Variants in DPF3 observed in about 807,000 individuals in gnomAD.
The protein encoded by DPF3 is double PHD fingers 3, also known as zinc finger protein DPF3.
DPF3 carries 18 observed loss-of-function variants against 56.8 expected under a neutral mutation model. The observed-to-expected ratio is 0.32, with a 90% CI of 0.22 to 0.47. DPF3 has a LOEUF of 0.47. Ranked by LOEUF, DPF3 falls within the 20% of genes least tolerant of loss-of-function variation. The pLI is 1.00. For synonymous variants in DPF3, 188 were observed against 180.2 expected (o/e 1.04, Z -0.35); for missense variants, 403 against 488.8 (o/e 0.82, Z 1.65).
intron 8 of DPF3, among the ~76,000 whole-genome samples, chr14:72,649,915 C>A (rs1885854022): frequency 6.6e-6 from 1 of 152,222 alleles, no homozygotes; most frequent in Admixed American, 6.5e-5. Context: ...ATGCAAGTAA[C>A]CACTACACCG....
chr14:72,729,067 G>A (rs1034182415), intron 4 of DPF3, among the ~76,000 whole-genome samples: 2 of 151,964 alleles, frequency 1.3e-5, no homozygotes, highest in African/African-American at 2.4e-5. Flanking sequence ...GGCAAACATG[G>A]TGAATCCGCG....
intron 8 of DPF3, among the ~76,000 whole-genome samples, chr14:72,659,468 A>G (rs1886144944): frequency 6.6e-6 from 1 of 152,174 alleles, no homozygotes; most frequent in Admixed American, 6.5e-5. Flanking sequence ...GCCCACTATT[A>G]TGGACATTTG....
chr14:72,731,964 G>A (rs1423804485), intron 3 of DPF3, 30 bp from the exon 4 acceptor site: 1 of 1,559,828 alleles, frequency 6.4e-7, no homozygotes, highest in Non-Finnish European at 8.7e-7. Context: ...AGGCAGGTCA[G>A]GCCACTAGAA....
intron 1 of DPF3, among the ~76,000 whole-genome samples, chr14:72,776,939 C>A (rs1891766950): frequency 6.6e-6 from 1 of 152,192 alleles, no homozygotes; most frequent in Non-Finnish European, 1.5e-5. Context: ...CTCCCCTTGC[C>A]TTCAAACCAT....
chr14:72,820,484 T>C (rs76635763), intron 1 of DPF3, among the ~76,000 whole-genome samples: 15 of 152,178 alleles, frequency 9.9e-5, no homozygotes, highest in East Asian at 1.9e-4. Context: ...ACTTTAATGA[T>C]AATACTAGTA....
intron 6 of DPF3, among the ~76,000 whole-genome samples, chr14:72,698,340 T>TTG (rs1443159556): frequency 6.6e-6 from 1 of 152,202 alleles, no homozygotes; most frequent in Non-Finnish European, 1.5e-5. Flanking sequence ...AAAATAGGCT[T>TTG]TGTGTTAGAT....
At chr14:72,803,626 T>C (rs1335958464) in intron 1 of DPF3, among the ~76,000 whole-genome samples, 3 of 152,212 alleles carry the variant, frequency 2.0e-5, no homozygotes, top group Non-Finnish European at 4.4e-5. Context: ...GGTGGGCAAC[T>C]GGAGTGGAAG....
intron 8 of DPF3, among the ~76,000 whole-genome samples, chr14:72,641,124 G>A (rs1456467064): frequency 6.6e-6 from 1 of 152,190 alleles, no homozygotes; most frequent in Non-Finnish European, 1.5e-5. Context: ...GAAACAAAGA[G>A]AACGTGTTGC....
intron 1 of DPF3, among the ~76,000 whole-genome samples, chr14:72,775,676 C>T (rs1010917479): frequency 5.9e-5 from 9 of 152,136 alleles, no homozygotes; most frequent in South Asian, 2.1e-4. Context: ...TATTAAAGAT[C>T]GAAGCTGCAA....
At chr14:72,806,833 C>T (rs1882806120) in intron 1 of DPF3, 1 of 152,150 alleles carries the variant, frequency 6.6e-6, no homozygotes, top group Non-Finnish European at 1.5e-5. Context: ...GGAGGGCTTC[C>T]AACGGACTGA....
Position 72,646,720 on chromosome 14 carries a change from G to C in DPF3, c.872-16984C>G, listed in dbSNP as rs142827415. On this transcript the variant is annotated intron_variant, in intron 8 of 10. Coordinates refer to ENST00000556509, the MANE Select transcript of DPF3 (RefSeq NM_001280542.3). ...GCCTCCATGCGGAATTTTTCCTTTG[G>C]AGAACAAGGACCTCAGAGTGGAAAT... 5.3e-4 allele frequency among the ~76,000 whole-genome samples: 80 copies of C among 152,294 alleles called. 1 individual carries two copies. Among genetic ancestry groups the C allele is most frequent in the African/African-American group, 1.6e-3 (66 of 41,554 alleles).
chr14:72,711,229 T>C (rs1354821316), intron 6 of DPF3, among the ~76,000 whole-genome samples: 2 of 152,166 alleles, frequency 1.3e-5, no homozygotes. Context: ...AATCACACCA[T>C]AGATGATACA....
chr14:72,862,501 A>C (rs1885478474), intron 1 of DPF3, among the ~76,000 whole-genome samples: 1 of 152,122 alleles, frequency 6.6e-6, no homozygotes, highest in Non-Finnish European at 1.5e-5. Flanking sequence ...GGTCCAAGTC[A>C]CTGCCTCCTC....
chr14:72,772,673 C>T (rs903759639), intron 1 of DPF3, among the ~76,000 whole-genome samples: 7 of 152,114 alleles, frequency 4.6e-5, no homozygotes, highest in African/African-American at 1.2e-4. Context: ...TTTTTGGACA[C>T]GTGGTGATGC....
chr14:72,876,699 C>A (rs990464644), intron 1 of DPF3, among the ~76,000 whole-genome samples: 1 of 152,206 alleles, frequency 6.6e-6, no homozygotes, highest in Non-Finnish European at 1.5e-5. Context: ...AGTTCCCCAG[C>A]CTCACCCTCC....
chr14:72,828,311 G>A (rs1883902084), intron 1 of DPF3, among the ~76,000 whole-genome samples: 1 of 152,140 alleles, frequency 6.6e-6, no homozygotes, highest in Non-Finnish European at 1.5e-5. Flanking sequence ...GGGAGGAGAA[G>A]TGAGGACGTG....
chr14:72,639,299 G>A (rs2153567683), intron 8 of DPF3, among the ~76,000 whole-genome samples: 1 of 152,308 alleles, frequency 6.6e-6, no homozygotes, highest in African/African-American at 2.4e-5. Context: ...CTCCTGCCTT[G>A]AGGAGCTCAG....
Position 72,674,219 on chromosome 14 carries a change from G to A in DPF3, c.871+21C>T, listed in dbSNP as rs989839238. 5 of 1,607,628 alleles carry A rather than the reference G, an allele frequency of 3.1e-6. No individual in the cohort carries two copies. The African/African-American group carries it at 5.4e-5, about 17-fold the overall frequency. ...CATTCCTGGTCTACGGGCACCCGGT[G>A]TGGGAAGGGGCCACACTCACCAGAG... On this transcript the variant is annotated intron_variant, in intron 8 of 10. Coordinates refer to ENST00000556509, the MANE Select transcript of DPF3 (RefSeq NM_001280542.3).
intron 3 of DPF3, among the ~76,000 whole-genome samples, chr14:72,737,194 AAAAC>A (rs796775158): frequency 0.012 from 1,806 of 150,152 alleles, 38 homozygotes; most frequent in African/African-American, 0.043. Context: ...TAAAAGCAAA[AAAAC>A]AAACAAACAA....
Sources: gnomAD v4.1 joint callset for allele counts (sites outside exome capture counted in the v4.1 genomes callset) on GRCh38, gnomAD v4.1.1 for gene constraint, MANE v1.5 for transcripts, NCBI Gene and HGNC (gene_info 2026-07-23, HGNC 2026-07-21) for gene names.